Variants in ZNF839 observed in about 807,000 individuals in gnomAD.
The protein encoded by ZNF839 is renal carcinoma antigen NY-REN-50.
In ZNF839, 38 loss-of-function variants were observed where a neutral mutation model predicts 56.4. The observed-to-expected ratio is 0.67, with a 90% confidence interval of 0.52 to 0.88. The LOEUF (loss-of-function observed/expected upper bound fraction) is 0.88, where lower values mean the gene tolerates loss of function less well. Among genes scored for constraint, ZNF839 ranks in the 40% least tolerant of loss-of-function variants. ZNF839 has a pLI of 0.00. For missense variants in ZNF839, 1,091 were observed against 1,177.6 expected (o/e 0.93, Z 1.08); for synonymous variants, 486 against 493.5 (o/e 0.98, Z 0.20).
Position 102,326,753 on chromosome 14 carries a change from G to A in ZNF839, c.1057G>A (p.Gly353Arg), listed in dbSNP as rs202123139. ...GATGGTGCTGTCTGAGAAAGCCAGT[G>A]GAAGCACCCTCCGGGGGTGCACGGA... ...PEMVLSEKAS[G>R]STLRGCTEER... is the part of the protein sequence containing the mutation. Residue 353 changes from glycine to arginine, a missense_variant, in exon 2 of 8, where the codon GGA becomes AGA. By Grantham distance (125) the Gly-to-Arg change is moderately radical (BLOSUM62 -2). Coordinates refer to ENST00000442396, the MANE Select transcript of ZNF839 (RefSeq NM_018335.6). This position sits in a 1 kb window ranked among gnomAD's most constrained non-coding sequence, Gnocchi z 4.3. 5.6e-5 allele frequency: 91 copies of A among 1,613,100 alleles called. No individual in the cohort carries two copies. The highest frequency in any genetic ancestry group is 3.5e-4 in the South Asian group (32 of 90,958).
At chr14:102,327,236 G>A (rs1407934736) in intron 2 of ZNF839, among the ~76,000 whole-genome samples, 1 of 152,138 alleles carries the variant, frequency 6.6e-6, no homozygotes, top group Non-Finnish European at 1.5e-5. Flanking sequence ...CGCCTCCCCA[G>A]TTCAAGTGAT....
At chr14:102,337,028 C>T (rs1444439799) in intron 5 of ZNF839, 1 of 154,168 alleles carries the variant, frequency 6.5e-6, no homozygotes, top group African/African-American at 2.4e-5. Flanking sequence ...ACCACCATGC[C>T]TAGCCCTGTT....
intron 7 of ZNF839, 59 bp downstream of exon 7, chr14:102,339,282 C>T: frequency 1.9e-6 from 3 of 1,572,520 alleles, no homozygotes; most frequent in South Asian, 1.2e-5. Flanking sequence ...TGCTGACATG[C>T]ACAGATGTAC....
In ZNF839 at chr14:102,319,749, TC is replaced by T; in HGVS notation, c.-13del. 1 of 1,228,114 alleles carries T rather than the reference TC, an allele frequency of 8.1e-7. No homozygotes were observed. Among genetic ancestry groups the T allele is most frequent in the East Asian group, 3.2e-5 (1 of 31,386 alleles). 76.1% of individuals were successfully genotyped at this position (1,228,114 alleles called of 1,614,324 possible). On this transcript the variant is annotated 5_prime_UTR_variant, in exon 1 of 8. Transcript: ENST00000442396. This position sits in a 1 kb window ranked among gnomAD's most constrained non-coding sequence, Gnocchi z 4.5. The stretch of plus-strand genomic sequence containing the variant: ...CGTCGCTCAGCGACCCGGGTTCGAG[TC>T]CCCGCCTCGGCCGCCATGGCGGATG...
chr14:102,319,513 GAGA>G, upstream of ZNF839: 1 of 360,562 alleles, frequency 2.8e-6, no homozygotes, highest in Non-Finnish European at 4.7e-6. This position sits in a 1 kb window ranked among gnomAD's most constrained non-coding sequence, Gnocchi z 4.5. Flanking sequence ...ACAGCTCCCA[GAGA>G]AGGTGAGTCT....
Position 102,339,000 on chromosome 14 carries a change from AG to A in ZNF839, c.1797+48del, listed in dbSNP as rs778901552. 6.8e-6 allele frequency: 11 copies of A among 1,613,796 alleles called. No individual in the cohort carries two copies. The African/African-American group carries it at 1.1e-4, about 16-fold the overall frequency. On this transcript the variant is annotated intron_variant, in intron 6 of 7. Transcript: ENST00000442396. ...GCCAGGTGACTGTGCACGGTGAATT[AG>A]CGTGGTTTGGCTTCTTCTGTTCACA...
chr14:102,327,008 T>A, intron 2 of ZNF839, 121 bp downstream of exon 2: 1 of 1,145,368 alleles, frequency 8.7e-7, no homozygotes, highest in Non-Finnish European at 1.2e-6. Context: ...CCATAGACTG[T>A]ACAGGAAGCA....
Position 102,338,790 on chromosome 14 carries a change from T to G in ZNF839, c.1660-26T>G, listed in dbSNP as rs78836984. 42 of 1,613,690 alleles carry G rather than the reference T, an allele frequency of 2.6e-5. No homozygotes were observed. In the East Asian group the frequency reaches 9.4e-4, roughly 36 times the overall value. On this transcript the variant is annotated intron_variant, in intron 5 of 7. Coordinates refer to ENST00000442396, the MANE Select transcript of ZNF839 (RefSeq NM_018335.6). ...GGGTGTGTGCTGTTTGGGTGAAGTT[T>G]ATTCTCTTGGCCCATTTCTTTTCAG...
At chr14:102,328,345 A>C (rs2073532084) in intron 2 of ZNF839, among the ~76,000 whole-genome samples, 1 of 102,568 alleles carries the variant, frequency 9.7e-6, no homozygotes, top group Non-Finnish European at 1.9e-5. Flanking sequence ...CAAGAGTGAA[A>C]CTCCATCTCA....
rs2139437539 is a variant in ZNF839, at chr14:102,319,786, G to C, written c.21G>C (p.Glu7Asp). ...CCGCCATGGCGGATGCGGAGCCGGA[G>C]GCTGGGGGCGGCAGCGAGGATGGCG... MADAEP[E>D]AGGGSEDGGG... Residue 7 changes from glutamate (E) to aspartate (D), a missense_variant, in exon 1 of 8, where the codon GAG becomes GAC. Physicochemically the swap from Glu to Asp is conservative, Grantham distance 45. Transcript: ENST00000442396. This position sits in a 1 kb window ranked among gnomAD's most constrained non-coding sequence, Gnocchi z 4.5. 8.1e-7 allele frequency: 1 copy of C among 1,232,306 alleles called. No homozygotes were observed. Among genetic ancestry groups the C allele is most frequent in the Non-Finnish European group, 1.0e-6 (1 of 988,256 alleles). 76.3% of individuals were successfully genotyped at this position (1,232,306 alleles called of 1,614,324 possible).
chr14:102,329,789 C>CTTTTTT (rs35781672), intron 2 of ZNF839, among the ~76,000 whole-genome samples: 5 of 102,114 alleles, frequency 4.9e-5, no homozygotes, highest in Non-Finnish European at 9.1e-5. Flanking sequence ...TAGAGATAAC[C>CTTTTTT]TTTTTTTTTT....
In ZNF839 at chr14:102,332,659, C is replaced by T; in HGVS notation, c.1416+813C>T. Among the ~76,000 whole-genome samples the T allele has an allele frequency of 6.6e-6, 1 of 151,938 alleles. No individual in the cohort carries two copies. Among genetic ancestry groups the T allele is most frequent in the African/African-American group, 2.4e-5 (1 of 41,482 alleles). Reference sequence around the variant, plus strand: ...GCACGGTGGCTCACACCTGTAATCCCAGCACTTTGGGAGGCCGAGGTGGGC... The same window carrying T: ...GCACGGTGGCTCACACCTGTAATCCTAGCACTTTGGGAGGCCGAGGTGGGC... On this transcript the variant is annotated intron_variant, in intron 3 of 7. Transcript: ENST00000442396. The surrounding 1 kb of genome is among the most constrained non-coding windows in gnomAD (Gnocchi z 4.9).
intron 7 of ZNF839, among the ~76,000 whole-genome samples, chr14:102,339,748 C>CA (rs377720994): frequency 2.2e-4 from 32 of 143,206 alleles, no homozygotes; most frequent in South Asian, 1.3e-3. Context: ...GACTCCATCT[C>CA]AAAAAAAAAA....
intron 1 of ZNF839, among the ~76,000 whole-genome samples, chr14:102,325,481 A>G (rs983578890): frequency 3.3e-5 from 5 of 151,986 alleles, no homozygotes; most frequent in African/African-American, 4.8e-5. Context: ...TGTAAAATGT[A>G]TCATTGTGGT....
At position 102,331,613 on chromosome 14, in the gene ZNF839, A is replaced by C; in HGVS notation, c.1192-9A>C. On this transcript the variant is annotated splice_polypyrimidine_tract_variant and intron_variant, in intron 2 of 7. Coordinates refer to ENST00000442396, the MANE Select transcript of ZNF839 (RefSeq NM_018335.6). ...TTTATTTTACTTTTGGGTGTGCAAC[A>C]CTGTCTAGAATGGTCAGTCTGTAGA... The C allele has an allele frequency of 1.2e-6, 2 of 1,604,880 alleles. No homozygotes were observed. The highest frequency in any genetic ancestry group is 1.7e-6 in the Non-Finnish European group (2 of 1,175,360).
At chr14:102,331,337 C>T (rs568355536) in intron 2 of ZNF839, among the ~76,000 whole-genome samples, 1 of 152,276 alleles carries the variant, frequency 6.6e-6, no homozygotes, top group Non-Finnish European at 1.5e-5. Flanking sequence ...CAACCTCTGC[C>T]TCCCAGGTTC....
At chr14:102,336,599 G>GTTT in intron 5 of ZNF839, 2 of 383,870 alleles carry the variant, frequency 5.2e-6, no homozygotes, top group South Asian at 2.0e-5. Flanking sequence ...CCGGTCCCCA[G>GTTT]TTTTTTTTTT....
At chr14:102,323,768 G>A (rs1406419920) in intron 1 of ZNF839, among the ~76,000 whole-genome samples, 7 of 152,186 alleles carry the variant, frequency 4.6e-5, no homozygotes, top group Non-Finnish European at 1.0e-4. Context: ...AGTCACACAT[G>A]TATACACATA....
In ZNF839 at chr14:102,326,502, CAG is replaced by C. The variant is rs780042778; in HGVS notation, c.809_810del (p.Glu270GlyfsTer11). The C allele has an allele frequency of 8.7e-6, 14 of 1,613,898 alleles. No homozygotes were observed. The East Asian group carries it at 2.2e-4, about 26-fold the overall frequency. On this transcript the variant is annotated frameshift_variant, in exon 2 of 8. Coordinates refer to ENST00000442396, the MANE Select transcript of ZNF839 (RefSeq NM_018335.6). LOFTEE classifies it high-confidence loss of function. This position sits in a 1 kb window ranked among gnomAD's most constrained non-coding sequence, Gnocchi z 4.3. ...GCTAAAGATTATAAGTTCATAAAAA[CAG>C]AGGATCTGGCGGATGGTCATCTGTC...
Sources: allele counts gnomAD v4.1 joint callset (sites outside exome capture counted in the v4.1 genomes callset), GRCh38; gene constraint gnomAD v4.1.1; non-coding constraint Gnocchi (gnomAD v3.1); transcripts MANE v1.5; gene names NCBI Gene and HGNC (gene_info 2026-07-23, HGNC 2026-07-21).